Variants in ASAP1 observed in about 807,000 individuals in gnomAD.
ASAP1 encodes the protein arf-GAP with SH3 domain, ANK repeat and PH domain-containing protein 1.
A neutral mutation model predicts 145.2 loss-of-function variants in ASAP1; 43 were observed. That is an observed-to-expected ratio of 0.30 (90% CI 0.23 to 0.38). The LOEUF (loss-of-function observed/expected upper bound fraction) is 0.38, where lower values mean the gene tolerates loss of function less well. ASAP1 is among the 10% of genes least tolerant of loss of function. The pLI, the probability that ASAP1 is intolerant of heterozygous loss-of-function variation, is 1.00. For missense variants in ASAP1, 1,018 were observed against 1,355.3 expected, an observed-to-expected ratio of 0.75 and a Z score of 3.91; for synonymous variants, 546 against 515.5, an observed-to-expected ratio of 1.06 and a Z score of -0.80.
chr8:130,285,783 T>C (rs1290973608), intron 3 of ASAP1, among the ~76,000 whole-genome samples: 6 of 152,236 alleles, frequency 3.9e-5, no homozygotes, highest in Non-Finnish European at 7.3e-5. Flanking sequence ...TGTTTATGCA[T>C]ATCACCGTGG....
At chr8:130,312,395 C>T (rs1318652006) in intron 3 of ASAP1, among the ~76,000 whole-genome samples, 1 of 151,910 alleles carries the variant, frequency 6.6e-6, no homozygotes, top group African/African-American at 2.4e-5. Context: ...TGAACACAAA[C>T]CAGACGAGAG....
rs1291531805 is a variant in ASAP1 at position 130,154,695 on chromosome 8, T to C, written c.1011-1890A>G. Among the ~76,000 whole-genome samples, 4 of 152,208 alleles carry C rather than the reference T, an allele frequency of 2.6e-5. No homozygotes were observed. The South Asian group carries it at 8.3e-4, about 32-fold the overall frequency. Reference sequence around the variant, plus strand: ...AACCATCTCTAAACACAAATAATATTGTGCATTTAACTACTAGAAGCACAG... The same window carrying C: ...AACCATCTCTAAACACAAATAATATCGTGCATTTAACTACTAGAAGCACAG... On this transcript the variant is annotated intron_variant, in intron 12 of 29. Transcript: ENST00000518721.
intron 2 of ASAP1, among the ~76,000 whole-genome samples, chr8:130,368,152 A>G (rs1827047977): frequency 6.6e-6 from 1 of 152,220 alleles, no homozygotes; most frequent in South Asian, 2.1e-4. Context: ...TTTTTAAAAA[A>G]TTAGGTTTTT....
chr8:130,211,157 T>C (rs1022498968), intron 5 of ASAP1, among the ~76,000 whole-genome samples: 4 of 152,210 alleles, frequency 2.6e-5, no homozygotes, highest in Non-Finnish European at 5.9e-5. Flanking sequence ...AGAAAAACTT[T>C]TTATAGGAAC....
intron 13 of ASAP1, among the ~76,000 whole-genome samples, chr8:130,141,296 C>T (rs530475766): frequency 3.3e-5 from 5 of 152,254 alleles, no homozygotes; most frequent in Admixed American, 1.3e-4. Context: ...GGCCCCTTCT[C>T]GCACTCAGCT....
intron 4 of ASAP1, among the ~76,000 whole-genome samples, chr8:130,221,915 T>C (rs754132504): frequency 6.6e-6 from 1 of 152,198 alleles, no homozygotes; most frequent in Non-Finnish European, 1.5e-5. Flanking sequence ...AGAGATGTTA[T>C]TAAATTTAAG....
At chr8:130,441,776 C>A (rs555581561) in intron 1 of ASAP1, among the ~76,000 whole-genome samples, 3 of 152,108 alleles carry the variant, frequency 2.0e-5, no homozygotes, top group Non-Finnish European at 2.9e-5. Context: ...GGCAAGCTTG[C>A]GAAAAGTCCT....
intron 5 of ASAP1, among the ~76,000 whole-genome samples, chr8:130,208,310 T>C (rs535772748): frequency 9.8e-5 from 15 of 152,302 alleles, no homozygotes; most frequent in East Asian, 1.9e-4. Context: ...TCTTTGTGTA[T>C]AGTTCTATGG....
intron 3 of ASAP1, among the ~76,000 whole-genome samples, chr8:130,290,257 T>G (rs1418775090): frequency 2.0e-5 from 3 of 152,228 alleles, no homozygotes; most frequent in African/African-American, 7.2e-5. Flanking sequence ...AGATGTCATA[T>G]AACTGTGCTA....
intron 25 of ASAP1, among the ~76,000 whole-genome samples, chr8:130,087,755 G>A (rs189451183): frequency 6.6e-6 from 1 of 152,262 alleles, no homozygotes; most frequent in Non-Finnish European, 1.5e-5. Flanking sequence ...TTAGGCAAGC[G>A]ATCAGCGTGA....
intron 1 of ASAP1, among the ~76,000 whole-genome samples, chr8:130,439,350 G>A (rs1830417758): frequency 6.6e-6 from 1 of 152,182 alleles, no homozygotes; most frequent in South Asian, 2.1e-4. Context: ...CTGTAAGATA[G>A]TAAACTTGTA....
chr8:130,409,527 C>A lies in ASAP1; in HGVS notation c.-27-7557G>T, dbSNP rs567302447. Among the ~76,000 whole-genome samples the A allele has an allele frequency of 4.6e-5, 7 of 152,154 alleles. No individual in the cohort carries two copies. The East Asian group carries it at 1.4e-3, about 29-fold the overall frequency. On this transcript the variant is annotated intron_variant, in intron 1 of 29. Transcript: ENST00000518721. ...CAGCATGCATGTGTTTGAGATGGGCCCTTCTGATAACTCTATCTTCCCAGG... is the reference window on the plus strand; with the variant it reads ...CAGCATGCATGTGTTTGAGATGGGCACTTCTGATAACTCTATCTTCCCAGG...
At chr8:130,060,503 T>C (rs954959930) in intron 28 of ASAP1, 76 bp downstream of exon 28, 4 of 1,512,616 alleles carry the variant, frequency 2.6e-6, no homozygotes, top group Non-Finnish European at 3.5e-6. Context: ...CTTGTGTAAG[T>C]TGGAGCACCT....
intron 2 of ASAP1, among the ~76,000 whole-genome samples, chr8:130,396,292 A>G (rs1467405546): frequency 2.0e-5 from 3 of 152,216 alleles, no homozygotes; most frequent in East Asian, 1.9e-4. Flanking sequence ...AGGCTTTGCC[A>G]TGAGTCTTAT....
In ASAP1 at chr8:130,134,260, T is replaced by A. The variant is rs143558863; in HGVS notation, c.1217+36A>T. 5.5e-4 allele frequency: 821 copies of A among 1,504,696 alleles called. 9 individuals are homozygous for A. The East Asian group carries it at 0.014, about 25-fold the overall frequency. 93.2% of individuals were successfully genotyped at this position (1,504,696 alleles called of 1,614,324 possible). ...TGTAAACAGAGAGGTGCTTTTTCAA[T>A]CCAAGGCATCGCACCTTTATTTCAA... On this transcript the variant is annotated intron_variant, in intron 15 of 29. Transcript: ENST00000518721.
rs192012484 is a variant in ASAP1 at position 130,201,464 on chromosome 8, A to G, written c.405+13092T>C. Among the ~76,000 whole-genome samples, 78 of 152,386 alleles carry G rather than the reference A, an allele frequency of 5.1e-4. No individual in the cohort carries two copies. In the East Asian group the frequency reaches 0.011, roughly 22 times the overall value. On this transcript the variant is annotated intron_variant, in intron 5 of 29. Coordinates refer to ENST00000518721, the MANE Select transcript of ASAP1 (RefSeq NM_018482.4). ...GAATATGAGAATTCCTTAACTTAAA[A>G]TAATGCAATTATATTTTATCTAATT...
At chr8:130,157,477 C>T (rs1225008099) in intron 12 of ASAP1, among the ~76,000 whole-genome samples, 1 of 152,158 alleles carries the variant, frequency 6.6e-6, no homozygotes, top group Non-Finnish European at 1.5e-5. Flanking sequence ...GCAGCCCTCC[C>T]TCTAACTGGT....
At chr8:130,119,631 T>C (rs1250853940) in intron 18 of ASAP1, among the ~76,000 whole-genome samples, 2 of 152,134 alleles carry the variant, frequency 1.3e-5, no homozygotes, top group Admixed American at 6.5e-5. Context: ...AGGGTCCACG[T>C]GATGCTGTCT....
At chr8:130,286,097 C>A (rs911832099) in intron 3 of ASAP1, among the ~76,000 whole-genome samples, 33 of 152,256 alleles carry the variant, frequency 2.2e-4, no homozygotes, top group Non-Finnish European at 2.6e-4. Context: ...ATTTGCCAGG[C>A]AGAATTATTT....
Sources: gnomAD v4.1 joint callset for allele counts (sites outside exome capture counted in the v4.1 genomes callset) on GRCh38, gnomAD v4.1.1 for gene constraint, MANE v1.5 for transcripts, NCBI Gene and HGNC (gene_info 2026-07-23, HGNC 2026-07-21) for gene names.